The following JAKMIP1 variants were observed in gnomAD, a reference collection of about 807,000 sequenced individuals.
The protein encoded by JAKMIP1 is janus kinase and microtubule interacting protein 1.
A neutral mutation model predicts 113.0 loss-of-function variants in JAKMIP1; 33 were observed. The ratio of observed to expected loss-of-function variants is 0.29; its 90% CI spans 0.22 to 0.39. JAKMIP1 has a LOEUF of 0.39. Among genes scored for constraint, JAKMIP1 ranks in the 10% least tolerant of loss-of-function variants. JAKMIP1 has a pLI of 1.00. For synonymous variants in JAKMIP1, 480 were observed against 459.9 expected (o/e 1.04, Z -0.56); for missense variants, 813 against 1,080.5 (o/e 0.75, Z 3.47).
At chr4:6,077,701 C>T (rs572297146) in intron 8 of JAKMIP1, among the ~76,000 whole-genome samples, 1 of 152,036 alleles carries the variant, frequency 6.6e-6, no homozygotes, top group African/African-American at 2.4e-5. Context: ...CCAGGCTGAT[C>T]TCAAACTCCT....
chr4:6,085,114 C>T (rs944188708), intron 4 of JAKMIP1, 149 bp from the exon 5 acceptor site: 3 of 1,022,678 alleles, frequency 2.9e-6, no homozygotes, highest in Non-Finnish European at 4.2e-6. Flanking sequence ...TGGGGAACAC[C>T]CAAGCCCACT....
In JAKMIP1 at chr4:6,112,972, C is replaced by T. The variant is rs1300242522; in HGVS notation, c.-122G>A. 2.4e-5 allele frequency: 33 copies of T among 1,347,946 alleles called. No individual in the cohort carries two copies. The highest frequency in any genetic ancestry group is 5.9e-5 in the African/African-American group (4 of 67,954). The allele number at this position is 1,347,946 out of a possible 1,614,324, so 83.5% of individuals were successfully genotyped here. ...GTCGCGCAGGACTCAGCTCGCCCTCCGAGGAAACCACCATCACTTGGGATC... is the reference window on the plus strand; with the variant it reads ...GTCGCGCAGGACTCAGCTCGCCCTCTGAGGAAACCACCATCACTTGGGATC... On this transcript the variant is annotated 5_prime_UTR_variant, in exon 2 of 21. Coordinates refer to ENST00000409021, the MANE Select transcript of JAKMIP1 (RefSeq NM_001099433.2).
At chr4:6,054,006 ATGTC>A in intron 13 of JAKMIP1, 40 bp downstream of exon 13, 1 of 1,613,990 alleles carries the variant, frequency 6.2e-7, no homozygotes, top group Non-Finnish European at 8.5e-7. Context: ...TTCAAAGAGA[ATGTC>A]TGCTCCGTTT....
chr4:6,114,374 G>T (rs144632139), intron 1 of JAKMIP1, among the ~76,000 whole-genome samples: 173 of 152,342 alleles, frequency 1.1e-3, no homozygotes, highest in African/African-American at 3.9e-3. Context: ...CTGGACATTG[G>T]ATTTGGCCTC....
In JAKMIP1 at chr4:6,194,793, G is replaced by A. The variant is rs1727671885; in HGVS notation, c.-148+5460C>T. Among the ~76,000 whole-genome samples the A allele has an allele frequency of 6.6e-6, 1 of 152,212 alleles. No individual in the cohort carries two copies. Among genetic ancestry groups the A allele is most frequent in the Non-Finnish European group, 1.5e-5 (1 of 68,038 alleles). ...TCAGCCAGTCTAAGCCACGGTGGGAGACAGGAGAGCAGGCAGCCTGTACCC... is the reference window on the plus strand; with the variant it reads ...TCAGCCAGTCTAAGCCACGGTGGGAAACAGGAGAGCAGGCAGCCTGTACCC... On this transcript the variant is annotated intron_variant, in intron 1 of 20. Transcript: ENST00000409021. The surrounding 1 kb of genome is among the most constrained non-coding windows in gnomAD (Gnocchi z 7.4).
chr4:6,078,678 G>C (rs1406870458), intron 8 of JAKMIP1, among the ~76,000 whole-genome samples: 1 of 151,890 alleles, frequency 6.6e-6, no homozygotes, highest in Non-Finnish European at 1.5e-5. Flanking sequence ...TTTAATTTTG[G>C]GTGAATATAC....
At chr4:6,177,376 G>A (rs577717942) in intron 1 of JAKMIP1, among the ~76,000 whole-genome samples, 2 of 152,228 alleles carry the variant, frequency 1.3e-5, no homozygotes, top group Non-Finnish European at 2.9e-5. Flanking sequence ...TCCCAGTCCT[G>A]AGCTCTAATT....
At chr4:6,190,968 C>T (rs992384643) in intron 1 of JAKMIP1, among the ~76,000 whole-genome samples, 1 of 152,342 alleles carries the variant, frequency 6.6e-6, no homozygotes, top group African/African-American at 2.4e-5. Context: ...GTCAACTGCC[C>T]TCGGCAATCA....
At chr4:6,147,686 T>G (rs1485139378) in intron 1 of JAKMIP1, among the ~76,000 whole-genome samples, 1 of 152,134 alleles carries the variant, frequency 6.6e-6, no homozygotes, top group African/African-American at 2.4e-5. Context: ...ACACCAACTC[T>G]CAGGCCACCT....
rs1453570582 is a variant in JAKMIP1 at position 6,142,179 on chromosome 4, T to C, written c.-147-29182A>G. ...AGTGGTGGAGGCCTTCCTACCTCATTCCATCCTGGATTTAGGGACACTTTG... is the reference window on the plus strand; with the variant it reads ...AGTGGTGGAGGCCTTCCTACCTCATCCCATCCTGGATTTAGGGACACTTTG... On this transcript the variant is annotated intron_variant, in intron 1 of 20. Transcript: ENST00000409021. This position sits in a 1 kb window ranked among gnomAD's most constrained non-coding sequence, Gnocchi z 5.5. 6.6e-6 allele frequency among the ~76,000 whole-genome samples: 1 copy of C among 152,190 alleles called. No individual in the cohort carries two copies. The highest frequency in any genetic ancestry group is 2.4e-5 in the African/African-American group (1 of 41,456).
Position 6,192,111 on chromosome 4 carries a change from T to G in JAKMIP1, c.-148+8142A>C, listed in dbSNP as rs944179955. On this transcript the variant is annotated intron_variant, in intron 1 of 20. Coordinates refer to ENST00000409021, the MANE Select transcript of JAKMIP1 (RefSeq NM_001099433.2). The surrounding 1 kb of genome is among the most constrained non-coding windows in gnomAD (Gnocchi z 5.0). ...CCATGCCCAGCTAATTTTTGTATTT[T>G]CAGTAGAGATGGGGTTTCACCATGT... Among the ~76,000 whole-genome samples the G allele has an allele frequency of 3.3e-5, 5 of 151,882 alleles. No individual in the cohort carries two copies. Among genetic ancestry groups the G allele is most frequent in the African/African-American group, 1.2e-4 (5 of 41,332 alleles).
chr4:6,034,994 C>T (rs996748710), intron 19 of JAKMIP1, among the ~76,000 whole-genome samples: 26 of 152,180 alleles, frequency 1.7e-4, no homozygotes, highest in East Asian at 7.7e-4. Context: ...TAGCAGATGG[C>T]CTTCAGGCTT....
rs908568422 is a variant in JAKMIP1 at position 6,143,511 on chromosome 4, C to T, written c.-147-30514G>A. ...GGACAAGAGGCAGGCCTGCTGGATC[C>T]GGCCTGGGTCCCACCTGGCCTCTTT... On this transcript the variant is annotated intron_variant, in intron 1 of 20. Transcript: ENST00000409021. This position sits in a 1 kb window ranked among gnomAD's most constrained non-coding sequence, Gnocchi z 4.9. Among the ~76,000 whole-genome samples, 7 of 152,188 alleles carry T rather than the reference C, an allele frequency of 4.6e-5. No homozygotes were observed. The highest frequency in any genetic ancestry group is 6.5e-5 in the Admixed American group (1 of 15,286).
rs1287334662 is a variant in JAKMIP1 at position 6,199,177 on chromosome 4, C to T, written c.-148+1076G>A. On this transcript the variant is annotated intron_variant, in intron 1 of 20. Transcript: ENST00000409021. This position sits in a 1 kb window ranked among gnomAD's most constrained non-coding sequence, Gnocchi z 5.6. ...AGGACAGTGTGCCTGCGAGTGTGCG[C>T]AGATGGGGCGGGCGGCGGAGGAGGG... Among the ~76,000 whole-genome samples, 1 of 152,246 alleles carries T rather than the reference C, an allele frequency of 6.6e-6. No individual in the cohort carries two copies. Among genetic ancestry groups the T allele is most frequent in the African/African-American group, 2.4e-5 (1 of 41,476 alleles).
rs1468483278 is a variant in JAKMIP1 at position 6,031,688 on chromosome 4, G to GAGCTTTTT, written c.2380-1908_2380-1907insAAAAAGCT. 2.6e-5 allele frequency among the ~76,000 whole-genome samples: 4 copies of GAGCTTTTT among 152,142 alleles called. No homozygotes were observed. The highest frequency in any genetic ancestry group is 5.9e-5 in the Non-Finnish European group (4 of 68,026). ...GACGGGTTCTAAGCAGGGAAATGAT[G>GAGCTTTTT]AGCTTTTGATTTCAGGATGATCACG... On this transcript the variant is annotated intron_variant, in intron 19 of 20. Transcript: ENST00000409021. This position sits in a 1 kb window ranked among gnomAD's most constrained non-coding sequence, Gnocchi z 4.4.
intron 2 of JAKMIP1, among the ~76,000 whole-genome samples, chr4:6,111,200 T>C (rs1714879583): frequency 6.6e-6 from 1 of 152,044 alleles, no homozygotes; most frequent in East Asian, 1.9e-4. Context: ...GCGACCTGAG[T>C]CCCAGCTCAA....
chr4:6,183,899 C>T lies in JAKMIP1; in HGVS notation c.-148+16354G>A, dbSNP rs746125376. ...CACAAATGCGGTATGCAAATCGTCA[C>T]AACAGAATATTTTCACAACCACAAC... On this transcript the variant is annotated intron_variant, in intron 1 of 20. Transcript: ENST00000409021. The surrounding 1 kb of genome is among the most constrained non-coding windows in gnomAD (Gnocchi z 5.3). Among the ~76,000 whole-genome samples, 12 of 152,170 alleles carry T rather than the reference C, an allele frequency of 7.9e-5. No individual in the cohort carries two copies. The highest frequency in any genetic ancestry group is 1.8e-4 in the Non-Finnish European group (12 of 68,036).
chr4:6,030,980 A>G lies in JAKMIP1; in HGVS notation c.2380-1199T>C, dbSNP rs991678730. 1.1e-4 allele frequency among the ~76,000 whole-genome samples: 17 copies of G among 152,228 alleles called. No individual in the cohort carries two copies. The East Asian group carries it at 2.9e-3, about 26-fold the overall frequency. On this transcript the variant is annotated intron_variant, in intron 19 of 20. Transcript: ENST00000409021. ...TGCTTTGAGAACCACCACTGTGGGC[A>G]CATTTAGTCACTCAGTAAATAGGAC...
At chr4:6,114,689 C>G (rs140322607) in intron 1 of JAKMIP1, among the ~76,000 whole-genome samples, 19 of 152,358 alleles carry the variant, frequency 1.2e-4, no homozygotes, top group African/African-American at 4.3e-4. Flanking sequence ...CACCGCTGAT[C>G]GATTCCAGAA....
Sources: allele counts gnomAD v4.1 joint callset (sites outside exome capture counted in the v4.1 genomes callset), GRCh38; gene constraint gnomAD v4.1.1; non-coding constraint Gnocchi (gnomAD v3.1); transcripts MANE v1.5; gene names NCBI Gene and HGNC (gene_info 2026-07-23, HGNC 2026-07-21).